The following WLS variants were observed in gnomAD, a reference collection of about 807,000 sequenced individuals.
WLS encodes the protein Wnt ligand secretion mediator.
A neutral mutation model predicts 62.8 loss-of-function variants in WLS; 23 were observed. The ratio of observed to expected loss-of-function variants is 0.37; its 90% CI spans 0.26 to 0.52. WLS has a LOEUF of 0.52. WLS is among the 20% of genes least tolerant of loss of function. The pLI, the probability that WLS is intolerant of heterozygous loss-of-function variation, is 0.92. For missense variants in WLS, 615 were observed against 697.3 expected (o/e 0.88, Z 1.33); for synonymous variants, 246 against 244.1 (o/e 1.01, Z -0.07).
chr1:68,121,915 C>A (rs541600444), downstream of WLS, among the ~76,000 whole-genome samples: 4 of 152,216 alleles, frequency 2.6e-5, no homozygotes, highest in Non-Finnish European at 5.9e-5. Context: ...GCCATTATCT[C>A]TTCCAAGGAC....
intron 3 of WLS, among the ~76,000 whole-genome samples, chr1:68,155,598 C>T (rs1162496199): frequency 2.0e-5 from 3 of 152,086 alleles, no homozygotes; most frequent in African/African-American, 7.2e-5. Flanking sequence ...TCTTGTCTGC[C>T]AGGGCTACAA....
At chr1:68,170,634 C>A (rs1329033228) in intron 2 of WLS, among the ~76,000 whole-genome samples, 1 of 152,072 alleles carries the variant, frequency 6.6e-6, no homozygotes, top group Non-Finnish European at 1.5e-5. Context: ...CCGCTCGTGC[C>A]AGACTCCTAC....
intron 2 of WLS, among the ~76,000 whole-genome samples, chr1:68,193,241 G>A (rs1223891907): frequency 1.1e-4 from 16 of 150,802 alleles, no homozygotes; most frequent in African/African-American, 3.7e-4. Flanking sequence ...AGTCAAAAAG[G>A]AAAAAACAAA....
At chr1:68,170,156 AT>A (rs1251364873) in intron 2 of WLS, among the ~76,000 whole-genome samples, 1 of 102,514 alleles carries the variant, frequency 9.8e-6, no homozygotes, top group African/African-American at 3.8e-5. Context: ...GCTGGCTACT[AT>A]TTCTTTTTTT....
chr1:68,148,253 G>A, intron 7 of WLS, 54 bp from the exon 8 acceptor site: 1 of 1,579,240 alleles, frequency 6.3e-7, no homozygotes, highest in East Asian at 2.2e-5. Context: ...AAGGCAACGG[G>A]AACTTTCCTT....
intron 2 of WLS, among the ~76,000 whole-genome samples, chr1:68,180,785 C>A (rs980316097): frequency 1.3e-5 from 2 of 152,126 alleles, no homozygotes; most frequent in African/African-American, 4.8e-5. Context: ...TTTGTCACCC[C>A]CACAACCTGG....
At chr1:68,105,797 G>T (rs894276521) in intron 11 of WLS, among the ~76,000 whole-genome samples, 4 of 152,142 alleles carry the variant, frequency 2.6e-5, no homozygotes, top group Admixed American at 6.5e-5. Context: ...ACTGGGTTCT[G>T]GGGCTGCATC....
At chr1:68,180,454 TTG>T (rs992659693) in intron 2 of WLS, among the ~76,000 whole-genome samples, 1 of 152,092 alleles carries the variant, frequency 6.6e-6, no homozygotes, top group Non-Finnish European at 1.5e-5. Flanking sequence ...GAGGCAGGGC[TTG>T]CATAATGTCT....
intron 11 of WLS, among the ~76,000 whole-genome samples, chr1:68,136,594 T>G (rs1250725934): frequency 1.3e-5 from 2 of 152,240 alleles, no homozygotes; most frequent in African/African-American, 4.8e-5. Flanking sequence ...AAAAGCCTTA[T>G]TAGTGCTGAT....
intron 2 of WLS, among the ~76,000 whole-genome samples, chr1:68,169,055 T>G (rs1647106948): frequency 6.6e-6 from 1 of 152,236 alleles, no homozygotes; most frequent in African/African-American, 2.4e-5. Context: ...TTAGTTCACA[T>G]TGCTTCTCGT....
Position 68,140,932 on chromosome 1 carries a change from C to G in WLS, c.1363-2999G>C, listed in dbSNP as rs552141776. On this transcript the variant is annotated intron_variant, in intron 10 of 11. Transcript: ENST00000262348. The stretch of plus-strand genomic sequence containing the variant: ...CCAAGGCGGAGGTAACAGTCTCCCC[C>G]CTTTTAACTTTGAGAGAAAAATCAG... Among the ~76,000 whole-genome samples, 24 of 152,120 alleles carry G rather than the reference C, an allele frequency of 1.6e-4. No individual in the cohort carries two copies. In the South Asian group the frequency reaches 2.9e-3, roughly 18 times the overall value.
intron 3 of WLS, among the ~76,000 whole-genome samples, chr1:68,156,817 G>A (rs1646906498): frequency 6.6e-6 from 1 of 152,078 alleles, no homozygotes. Context: ...GGGAGGATGG[G>A]GGCTCTGCAG....
chr1:68,130,042 A>C (rs1646495701), intron 11 of WLS, among the ~76,000 whole-genome samples: 1 of 152,230 alleles, frequency 6.6e-6, no homozygotes, highest in East Asian at 1.9e-4. Flanking sequence ...ACGGCAATGC[A>C]TCCATATGTG....
At chr1:68,194,768 G>A (rs1391387461) in intron 1 of WLS, among the ~76,000 whole-genome samples, 1 of 152,208 alleles carries the variant, frequency 6.6e-6, no homozygotes, top group African/African-American at 2.4e-5. Context: ...TTTTGCTTAA[G>A]ATAAAGAACT....
downstream of WLS, among the ~76,000 whole-genome samples, chr1:68,122,654 T>C (rs922489245): frequency 6.6e-6 from 1 of 152,246 alleles, no homozygotes; most frequent in Non-Finnish European, 1.5e-5. Context: ...TATGACAATG[T>C]ATAAAACTGG....
chr1:68,180,170 C>T (rs968899879), intron 2 of WLS, among the ~76,000 whole-genome samples: 1 of 151,728 alleles, frequency 6.6e-6, no homozygotes, highest in African/African-American at 2.4e-5. Flanking sequence ...CCTCACCAAC[C>T]ATCTTCTGCT....
intron 2 of WLS, chr1:68,162,155 C>T: frequency 6.8e-7 from 1 of 1,465,026 alleles, no homozygotes; most frequent in South Asian, 1.1e-5. Flanking sequence ...AGATTCGGTG[C>T]ATCTTTCAAC....
At chr1:68,173,756 A>C (rs764271669) in intron 2 of WLS, among the ~76,000 whole-genome samples, 3 of 152,136 alleles carry the variant, frequency 2.0e-5, no homozygotes, top group Non-Finnish European at 4.4e-5. Flanking sequence ...TGGCAGATGA[A>C]CCGCTACAGA....
At chr1:68,132,123 G>C (rs1223588555) in intron 11 of WLS, among the ~76,000 whole-genome samples, 1 of 152,138 alleles carries the variant, frequency 6.6e-6, no homozygotes, top group Non-Finnish European at 1.5e-5. Context: ...CTAAGACTCA[G>C]AAAAAATGAT....
Sources: gnomAD v4.1 joint callset for allele counts (sites outside exome capture counted in the v4.1 genomes callset) on GRCh38, gnomAD v4.1.1 for gene constraint, MANE v1.5 for transcripts, NCBI Gene and HGNC (gene_info 2026-07-23, HGNC 2026-07-21) for gene names.